The following DKK3 variants were observed in gnomAD, a reference collection of about 807,000 sequenced individuals.
DKK3 encodes dickkopf Wnt signaling pathway inhibitor 3.
In DKK3, 22 loss-of-function variants were observed where a neutral mutation model predicts 33.2. That is an observed-to-expected ratio of 0.66 (90% CI 0.47 to 0.95). DKK3 has a LOEUF of 0.95. Among genes scored for constraint, DKK3 ranks in the 40% least tolerant of loss-of-function variants. DKK3 has a pLI of 0.00. For missense variants in DKK3, 398 were observed against 458.4 expected (o/e 0.87, Z 1.20); for synonymous variants, 194 against 188.8 (o/e 1.03, Z -0.23).
intron 1 of DKK3, among the ~76,000 whole-genome samples, chr11:12,006,458 CA>C (rs1452496185): frequency 2.6e-5 from 4 of 152,230 alleles, no homozygotes; most frequent in African/African-American, 9.6e-5. Context: ...GAGGGAAGAT[CA>C]GTCCCCACTG....
chr11:12,005,509 G>A (rs1848520192), intron 1 of DKK3, among the ~76,000 whole-genome samples: 1 of 152,198 alleles, frequency 6.6e-6, no homozygotes, highest in Non-Finnish European at 1.5e-5. Flanking sequence ...ACATTGATTG[G>A]TAGCATATAG....
intron 3 of DKK3, among the ~76,000 whole-genome samples, chr11:11,980,806 C>T (rs1323994010): frequency 1.3e-5 from 2 of 152,120 alleles, no homozygotes; most frequent in East Asian, 3.9e-4. Context: ...CTGGGAAAGG[C>T]AAGATTCAGA....
chr11:11,964,717 A>G, intron 6 of DKK3, 31 bp from the exon 7 acceptor site: 1 of 1,599,952 alleles, frequency 6.3e-7, no homozygotes, highest in South Asian at 1.1e-5. Context: ...GCCAGGCTCT[A>G]AACGTGGGAG....
At chr11:11,976,401 C>A (rs1292110499) in intron 3 of DKK3, among the ~76,000 whole-genome samples, 5 of 152,266 alleles carry the variant, frequency 3.3e-5, no homozygotes, top group African/African-American at 1.2e-4. Flanking sequence ...GAGCATCCAT[C>A]ACCTCAGCTC....
rs185749265 is a variant in DKK3 at position 11,977,606 on chromosome 11, G to A, written c.436-9119C>T. 3.9e-3 allele frequency among the ~76,000 whole-genome samples: 594 copies of A among 152,300 alleles called. 7 individuals are homozygous for A. The highest frequency in any genetic ancestry group is 0.014 in the African/African-American group (570 of 41,566). ...CCACTCCCCCCAACACTTCTCCGGG[G>A]ACTTAGGGTCTCCACAGCCCCGACC... On this transcript the variant is annotated intron_variant, in intron 3 of 6. Transcript: ENST00000683431.
chr11:11,984,149 C>CA (rs1848015393), intron 3 of DKK3, among the ~76,000 whole-genome samples: 2 of 152,116 alleles, frequency 1.3e-5, no homozygotes, highest in South Asian at 4.1e-4. Flanking sequence ...CCCTTTAACA[C>CA]CTAGATGAAG....
intron 2 of DKK3, among the ~76,000 whole-genome samples, chr11:11,999,874 T>G (rs2133325838): frequency 6.6e-6 from 1 of 152,346 alleles, no homozygotes; most frequent in Non-Finnish European, 1.5e-5. Context: ...CTTGTACTAA[T>G]TTGCAGAAGG....
At chr11:12,007,318 G>A (rs550339699) in intron 1 of DKK3, among the ~76,000 whole-genome samples, 2 of 152,322 alleles carry the variant, frequency 1.3e-5, no homozygotes, top group African/African-American at 4.8e-5. Flanking sequence ...CCTGGACATT[G>A]GTTTCCTGCT....
chr11:11,984,064 G>T (rs976091920), intron 3 of DKK3, among the ~76,000 whole-genome samples: 2 of 152,202 alleles, frequency 1.3e-5, no homozygotes, highest in African/African-American at 4.8e-5. Flanking sequence ...CTGTGACGAG[G>T]AGTGACTAGG....
chr11:11,982,021 C>G (rs1488397310), intron 3 of DKK3, among the ~76,000 whole-genome samples: 1 of 152,166 alleles, frequency 6.6e-6, no homozygotes, highest in African/African-American at 2.4e-5. Flanking sequence ...TGGTTGGTCT[C>G]TGAGGAAAGC....
intron 3 of DKK3, among the ~76,000 whole-genome samples, chr11:11,978,538 T>C (rs1159305491): frequency 6.6e-6 from 1 of 152,100 alleles, no homozygotes; most frequent in African/African-American, 2.4e-5. Context: ...TTTGTTTGGT[T>C]TTGTTTTTAA....
At position 11,970,253 on chromosome 11, in the gene DKK3, A is replaced by G. The variant is rs11022097; in HGVS notation, c.436-1766T>C. Among the ~76,000 whole-genome samples the G allele has an allele frequency of 5.5e-4, 84 of 152,322 alleles. 1 individual carries two copies. The East Asian group carries it at 0.016, about 29-fold the overall frequency. On this transcript the variant is annotated intron_variant, in intron 3 of 6. Transcript: ENST00000683431. ...TGAATGTGAGGAGGCCTCTGCCCTTAAGAAATTCGTAATTCAATTGGAAAA... is the reference window on the plus strand; with the variant it reads ...TGAATGTGAGGAGGCCTCTGCCCTTGAGAAATTCGTAATTCAATTGGAAAA...
In DKK3 at chr11:11,964,616, G is replaced by A; in HGVS notation, c.901C>T (p.Pro301Ser). 6.2e-7 allele frequency: 1 copy of A among 1,614,162 alleles called. No individual in the cohort carries two copies. Among genetic ancestry groups the A allele is most frequent in the African/African-American group, 1.3e-5 (1 of 75,048 alleles). The change falls in exon 7 of 7, where the codon CCC becomes TCC. Residue 301 changes from proline to serine, a missense_variant. Coordinates refer to ENST00000683431, the MANE Select transcript of DKK3 (RefSeq NM_001018057.2). ...TCATACTCATCGGGGACCTCTCTGG[G>A]CAGCAGGATCTCCCCATCTTGGTCA... ...SRDQDGEILL[P>S]REVPDEYEVG...
rs1373345716 is a variant in DKK3 at position 12,008,036 on chromosome 11, G to A, written c.213+334C>T. Among the ~76,000 whole-genome samples the A allele has an allele frequency of 2.0e-5, 3 of 152,198 alleles. No homozygotes were observed. The highest frequency in any genetic ancestry group is 1.9e-4 in the East Asian group (1 of 5,176). ...GTGAAACCACAGTGCTGGAATACCA[G>A]GGGCCCTGCAAACCTCTGCTGACAA... On this transcript the variant is annotated intron_variant, in intron 1 of 6. Coordinates refer to ENST00000683431, the MANE Select transcript of DKK3 (RefSeq NM_001018057.2). The surrounding 1 kb of genome is among the most constrained non-coding windows in gnomAD (Gnocchi z 4.6).
intron 3 of DKK3, among the ~76,000 whole-genome samples, chr11:11,988,763 G>C (rs75602745): frequency 0.075 from 11,474 of 152,258 alleles, 607 homozygotes; most frequent in East Asian, 0.24. Context: ...CACATCTCTG[G>C]ATCCCCACAA....
At chr11:11,995,846 A>G (rs2135089109) in intron 3 of DKK3, among the ~76,000 whole-genome samples, 1 of 152,342 alleles carries the variant, frequency 6.6e-6, no homozygotes, top group African/African-American at 2.4e-5. Context: ...GCTCAGGTGC[A>G]ATAACATGCT....
chr11:11,990,788 C>T (rs988462102), intron 3 of DKK3, among the ~76,000 whole-genome samples: 2 of 152,222 alleles, frequency 1.3e-5, no homozygotes, highest in Non-Finnish European at 2.9e-5. Flanking sequence ...ACAAGAAATA[C>T]TTGTTCAACG....
At chr11:11,972,218 C>T (rs968215968) in intron 3 of DKK3, among the ~76,000 whole-genome samples, 1 of 152,176 alleles carries the variant, frequency 6.6e-6, no homozygotes, top group African/African-American at 2.4e-5. Flanking sequence ...GCTTGGTGAA[C>T]GGTGGCCATA....
chr11:12,008,663 C>T, upstream of DKK3: 1 of 1,256,950 alleles, frequency 8.0e-7, no homozygotes, highest in Non-Finnish European at 1.0e-6. The surrounding 1 kb of genome is among the most constrained non-coding windows in gnomAD (Gnocchi z 4.6). Context: ...TCGCTGGGCC[C>T]GCCGCCCCGC....
Sources: gnomAD v4.1 joint callset for allele counts (sites outside exome capture counted in the v4.1 genomes callset) on GRCh38, gnomAD v4.1.1 for gene constraint, Gnocchi (gnomAD v3.1) non-coding constraint, MANE v1.5 for transcripts, NCBI Gene and HGNC (gene_info 2026-07-23, HGNC 2026-07-21) for gene names.